The following NCOA2 variants were observed in gnomAD, a reference collection of about 807,000 sequenced individuals.
NCOA2 encodes class E basic helix-loop-helix protein 75.
A neutral mutation model predicts 145.1 loss-of-function variants in NCOA2; 21 were observed. The ratio of observed to expected loss-of-function variants is 0.14; its 90% CI spans 0.10 to 0.21. The LOEUF is 0.21. Ranked by LOEUF, NCOA2 falls within the 10% of genes least tolerant of loss-of-function variation. NCOA2 has a pLI of 1.00. For missense variants in NCOA2, 1,472 were observed against 1,837.6 expected, an observed-to-expected ratio of 0.80 and a Z score of 3.64; for synonymous variants, 619 against 637.5, an observed-to-expected ratio of 0.97 and a Z score of 0.44.
chr8:70,336,943 G>T (rs1407559085), intron 1 of NCOA2, among the ~76,000 whole-genome samples: 1 of 152,090 alleles, frequency 6.6e-6, no homozygotes, highest in Non-Finnish European at 1.5e-5. Context: ...GTGAAGAGGG[G>T]AGAGGACTAG....
intron 11 of NCOA2, among the ~76,000 whole-genome samples, chr8:70,150,695 A>C (rs1811638765): frequency 6.6e-6 from 1 of 152,212 alleles, no homozygotes; most frequent in Non-Finnish European, 1.5e-5. Flanking sequence ...CTTCTTTATC[A>C]TGTTTTGCTG....
At chr8:70,125,524 G>A (rs1207644554) in intron 19 of NCOA2, among the ~76,000 whole-genome samples, 1 of 152,116 alleles carries the variant, frequency 6.6e-6, no homozygotes, top group African/African-American at 2.4e-5. Context: ...CCAAAGTGCT[G>A]GGATTACAGG....
At chr8:70,429,544 T>C in the NCOA2 span, among the ~76,000 whole-genome samples, 1 of 152,230 alleles carries the variant, frequency 6.6e-6, no homozygotes, top group South Asian at 2.1e-4. Flanking sequence ...TTTGTACACA[T>C]GTAGGGCAAT....
intron 1 of NCOA2, among the ~76,000 whole-genome samples, chr8:70,301,002 T>A (rs1280286519): frequency 6.6e-6 from 1 of 152,206 alleles, no homozygotes; most frequent in Non-Finnish European, 1.5e-5. Context: ...GCCAGAGAGC[T>A]GATGAACTAG....
At chr8:70,356,031 C>G (rs1215465845) in intron 1 of NCOA2, among the ~76,000 whole-genome samples, 1 of 152,164 alleles carries the variant, frequency 6.6e-6, no homozygotes, top group Non-Finnish European at 1.5e-5. Flanking sequence ...GAACTACTGT[C>G]TACCCAAGGG....
chr8:70,352,036 G>T (rs1289694524), intron 1 of NCOA2, among the ~76,000 whole-genome samples: 1 of 151,772 alleles, frequency 6.6e-6, no homozygotes, highest in East Asian at 1.9e-4. Context: ...TTTTCAAAAG[G>T]TCACAAGGAA....
At chr8:70,280,285 T>C (rs921890404) in intron 2 of NCOA2, among the ~76,000 whole-genome samples, 16 of 152,174 alleles carry the variant, frequency 1.1e-4, no homozygotes, top group Admixed American at 9.8e-4. Context: ...CCTAAGACCC[T>C]GGGAAATTGT....
At chr8:70,189,913 T>C (rs573262506) in intron 4 of NCOA2, among the ~76,000 whole-genome samples, 2 of 152,212 alleles carry the variant, frequency 1.3e-5, no homozygotes, top group South Asian at 2.1e-4. Flanking sequence ...GGAAACAGCA[T>C]TGATCTGGAT....
chr8:70,118,514 C>A (rs749983260), intron 22 of NCOA2, among the ~76,000 whole-genome samples: 8 of 152,112 alleles, frequency 5.3e-5, no homozygotes, highest in African/African-American at 9.7e-5. Flanking sequence ...GACTGTGATT[C>A]TTAAAAACAA....
the NCOA2 span, among the ~76,000 whole-genome samples, chr8:70,455,620 A>T: frequency 2.0e-5 from 3 of 151,252 alleles, no homozygotes; most frequent in Admixed American, 2.0e-4. Flanking sequence ...AATTATGGTC[A>T]CTTTGGTCTC....
chr8:70,128,352 T>C (rs1178092588), intron 18 of NCOA2, 81 bp downstream of exon 18: 1 of 1,230,484 alleles, frequency 8.1e-7, no homozygotes, highest in African/African-American at 1.5e-5. Context: ...GTCTACTAAG[T>C]TAACTTTCTT....
At chr8:70,152,914 T>A (rs371747820) in intron 11 of NCOA2, among the ~76,000 whole-genome samples, 1 of 152,248 alleles carries the variant, frequency 6.6e-6, no homozygotes, top group Non-Finnish European at 1.5e-5. Flanking sequence ...AAATAACTTA[T>A]TGTATTCCCT....
chr8:70,177,781 G>C (rs1815034660), intron 4 of NCOA2, among the ~76,000 whole-genome samples: 1 of 152,070 alleles, frequency 6.6e-6, no homozygotes, highest in Non-Finnish European at 1.5e-5. Context: ...AGAGTGAGAG[G>C]AAACAACAGC....
chr8:70,152,666 G>A (rs1367078156), intron 11 of NCOA2, among the ~76,000 whole-genome samples: 1 of 152,154 alleles, frequency 6.6e-6, no homozygotes, highest in Non-Finnish European at 1.5e-5. Flanking sequence ...AAACATACTG[G>A]AAATTTTTCT....
At chr8:70,154,874 AC>A (rs1812118665) in intron 11 of NCOA2, among the ~76,000 whole-genome samples, 1 of 152,202 alleles carries the variant, frequency 6.6e-6, no homozygotes, top group Non-Finnish European at 1.5e-5. Context: ...ATTGTACAAC[AC>A]TGTGGCTACA....
chr8:70,142,675 G>A (rs1344277585), intron 13 of NCOA2, among the ~76,000 whole-genome samples: 1 of 150,760 alleles, frequency 6.6e-6, no homozygotes, highest in Admixed American at 6.6e-5. Context: ...CTCCAGCCTG[G>A]GTGACAAAGT....
chr8:70,173,293 C>T (rs1585952262), intron 5 of NCOA2, among the ~76,000 whole-genome samples: 1 of 152,290 alleles, frequency 6.6e-6, no homozygotes, highest in East Asian at 1.9e-4. Flanking sequence ...TATCAAAAGT[C>T]TTCCCAGGAG....
the NCOA2 span, among the ~76,000 whole-genome samples, chr8:70,444,728 C>T: frequency 6.6e-6 from 1 of 152,112 alleles, no homozygotes; most frequent in Non-Finnish European, 1.5e-5. Flanking sequence ...TTTCTCTGAA[C>T]CTGGGGCTGT....
At chr8:70,238,153 C>G (rs72663962) in intron 2 of NCOA2, among the ~76,000 whole-genome samples, 13 of 151,712 alleles carry the variant, frequency 8.6e-5, no homozygotes, top group South Asian at 6.2e-4. Flanking sequence ...TGTGCACACG[C>G]GCGCGCGCGC....
Sources: allele counts gnomAD v4.1 joint callset (sites outside exome capture counted in the v4.1 genomes callset), GRCh38; gene constraint gnomAD v4.1.1; transcripts MANE v1.5; gene names NCBI Gene and HGNC (gene_info 2026-07-23, HGNC 2026-07-21).